The following ARFGEF3 variants were observed in gnomAD, a reference collection of about 807,000 sequenced individuals.
ARFGEF3 encodes ARFGEF family member 3.
ARFGEF3 carries 96 observed loss-of-function variants against 221.7 expected under a neutral mutation model. The observed-to-expected ratio is 0.43, with a 90% CI of 0.37 to 0.51. The LOEUF (loss-of-function observed/expected upper bound fraction) is 0.51, where lower values mean the gene tolerates loss of function less well. Ranked by LOEUF, ARFGEF3 falls within the 20% of genes least tolerant of loss-of-function variation. ARFGEF3 has a pLI of 0.00. For synonymous variants in ARFGEF3, 1,145 were observed against 1,126.8 expected, an observed-to-expected ratio of 1.02 and a Z score of -0.32; for missense variants, 2,410 against 2,789.9, an observed-to-expected ratio of 0.86 and a Z score of 3.07.
chr6:138,284,597 T>A (rs1779254431), intron 14 of ARFGEF3, among the ~76,000 whole-genome samples: 1 of 152,160 alleles, frequency 6.6e-6, no homozygotes, highest in African/African-American at 2.4e-5. Context: ...GCTAATTCTG[T>A]AGAAAAGAAT....
chr6:138,242,031 C>T (rs1317302105), intron 6 of ARFGEF3, among the ~76,000 whole-genome samples: 1 of 152,162 alleles, frequency 6.6e-6, no homozygotes, highest in African/African-American at 2.4e-5. Context: ...TGACTTTAGC[C>T]ATTCTGAGCT....
At position 138,342,630 on chromosome 6, in the gene ARFGEF3, A is replaced by G. The variant is rs1780450545; in HGVS notation, c.*6144A>G. 1 of 152,166 alleles carries G rather than the reference A, an allele frequency of 6.6e-6. No homozygotes were observed. The highest frequency in any genetic ancestry group is 1.5e-5 in the Non-Finnish European group (1 of 68,024). The allele number at this position is 152,166 out of a possible 1,614,324, so 9.4% of individuals were successfully genotyped here. A position where few individuals can be genotyped will look rare whatever the true frequency, so the allele number is the denominator to read the frequency against. ...TGTACTGAAGGTGATTTTAAATTTA[A>G]GTATGTAGTGTTTGAATTTCTTCCA... is the stretch of plus-strand genomic sequence containing the variant. On this transcript the variant is annotated 3_prime_UTR_variant, in exon 34 of 34. Coordinates refer to ENST00000251691, the MANE Select transcript of ARFGEF3 (RefSeq NM_020340.5).
intron 20 of ARFGEF3, among the ~76,000 whole-genome samples, chr6:138,295,894 C>A (rs190507088): frequency 2.6e-5 from 4 of 152,198 alleles, no homozygotes; most frequent in African/African-American, 4.8e-5. Context: ...CCAAGGGGTA[C>A]AAAAATTGCC....
chr6:138,196,437 C>T (rs9376330), intron 2 of ARFGEF3, among the ~76,000 whole-genome samples: 11,193 of 152,174 alleles, frequency 0.074, 803 homozygotes, highest in East Asian at 0.37. Context: ...GTTTGTGTAA[C>T]TAAACATAGA....
intron 10 of ARFGEF3, among the ~76,000 whole-genome samples, chr6:138,258,387 A>G (rs1778724294): frequency 6.6e-6 from 1 of 152,210 alleles, no homozygotes; most frequent in Admixed American, 6.5e-5. Flanking sequence ...CCCATTTTCC[A>G]GATGGGAAAG....
Position 138,317,351 on chromosome 6 carries a change from G to A in ARFGEF3, c.4446G>A (p.Glu1482=), listed in dbSNP as rs1779944461. The part of the protein sequence containing the change: ...HQPPTLDLLF[E]LLRDVTKTPG... Reference sequence around the variant, plus strand: ...CACCAACTCTGGATTTACTCTTTGAGCTGTTGAGAGATGTGACGAAAACAC... The same window carrying A: ...CACCAACTCTGGATTTACTCTTTGAACTGTTGAGAGATGTGACGAAAACAC... The change falls in exon 27 of 34, where the codon GAG becomes GAA. Residue 1482 remains glutamate (E), a synonymous_variant. Transcript: ENST00000251691. 4 of 1,613,852 alleles carry A rather than the reference G, an allele frequency of 2.5e-6. No homozygotes were observed. Among genetic ancestry groups the A allele is most frequent in the Admixed American group, 3.3e-5 (2 of 59,998 alleles).
rs1353504607 is a variant in ARFGEF3 at position 138,340,253 on chromosome 6, C to G, written c.*3767C>G. 1 of 152,164 alleles carries G rather than the reference C, an allele frequency of 6.6e-6. No homozygotes were observed. The highest frequency in any genetic ancestry group is 1.5e-5 in the Non-Finnish European group (1 of 68,024). The allele number at this position is 152,164 out of a possible 1,614,324, so 9.4% of individuals were successfully genotyped here. ...ATAAAACTAAAATTTTTAAATCAAA[C>G]ATGACAAAAATGTTAATATAATTCA... On this transcript the variant is annotated 3_prime_UTR_variant, in exon 34 of 34. Transcript: ENST00000251691.
At chr6:138,325,826 CT>C (rs1376004463) in intron 31 of ARFGEF3, among the ~76,000 whole-genome samples, 3 of 152,042 alleles carry the variant, frequency 2.0e-5, no homozygotes, top group African/African-American at 7.2e-5. Flanking sequence ...ACTTCTTTTT[CT>C]GTTTTTCTGT....
Position 138,229,848 on chromosome 6 carries a change from C to A in ARFGEF3, c.416C>A (p.Ala139Glu). The A allele has an allele frequency of 6.2e-7, 1 of 1,613,078 alleles. No individual in the cohort carries two copies. Among genetic ancestry groups the A allele is most frequent in the African/African-American group, 1.3e-5 (1 of 74,860 alleles). ...AATGGGAGTGCCGTGCTGAAGATCG[C>A]GGAGGTGAGTACTGCTTGTGTCTGT... The part of the protein sequence containing the change: ...DLNGSAVLKI[A>E]EVCIETYISS... The change falls in exon 5 of 34, where the codon GCG becomes GAG. Residue 139 changes from alanine to glutamate, a missense_variant. Ala to Glu is a moderately radical substitution (Grantham distance 107). Transcript: ENST00000251691.
intron 1 of ARFGEF3, among the ~76,000 whole-genome samples, chr6:138,168,983 A>G (rs1484548423): frequency 6.6e-6 from 1 of 152,212 alleles, no homozygotes; most frequent in Non-Finnish European, 1.5e-5. Context: ...GGAGACAGGA[A>G]TTGGCACTGG....
intron 32 of ARFGEF3, among the ~76,000 whole-genome samples, chr6:138,329,113 C>T (rs1780175289): frequency 6.6e-6 from 1 of 152,124 alleles, no homozygotes; most frequent in African/African-American, 2.4e-5. Flanking sequence ...ATGCTCTGCC[C>T]CAAGAAACTT....
intron 8 of ARFGEF3, among the ~76,000 whole-genome samples, chr6:138,252,952 T>C (rs544207604): frequency 4.1e-4 from 63 of 152,338 alleles, no homozygotes; most frequent in African/African-American, 1.4e-3. Context: ...TAAAGCTGTC[T>C]GTTCTCTTCA....
chr6:138,200,539 A>C (rs1449536251), intron 2 of ARFGEF3, among the ~76,000 whole-genome samples: 1 of 152,218 alleles, frequency 6.6e-6, no homozygotes, highest in Non-Finnish European at 1.5e-5. Flanking sequence ...CAGCCAACTG[A>C]TCTTCAACAA....
At chr6:138,267,500 C>T (rs1242637688) in intron 12 of ARFGEF3, among the ~76,000 whole-genome samples, 1 of 152,200 alleles carries the variant, frequency 6.6e-6, no homozygotes, top group Non-Finnish European at 1.5e-5. Flanking sequence ...AAATTTAGCT[C>T]TCAGATAACT....
chr6:138,339,832 C>G lies in ARFGEF3; in HGVS notation c.*3346C>G, dbSNP rs1485490105. 1.3e-5 allele frequency: 2 copies of G among 152,228 alleles called. No individual in the cohort carries two copies. The highest frequency in any genetic ancestry group is 2.9e-5 in the Non-Finnish European group (2 of 68,078). The allele number at this position is 152,228 out of a possible 1,614,324, so 9.4% of individuals were successfully genotyped here. A position where few individuals can be genotyped will look rare whatever the true frequency, so the allele number is the denominator to read the frequency against. ...TCTCCCCTTGTGGTAATTTTCCAGC[C>G]TTCCCCATAGATATAAAACTAGAAC... On this transcript the variant is annotated 3_prime_UTR_variant, in exon 34 of 34. Transcript: ENST00000251691.
In ARFGEF3 at chr6:138,282,819, C is replaced by T. The variant is rs9494998; in HGVS notation, c.2461+2655C>T. On this transcript the variant is annotated intron_variant, in intron 14 of 33. Transcript: ENST00000251691. The stretch of plus-strand genomic sequence containing the variant: ...ATCCTAGGACTTTGGGAGGCCGAGG[C>T]GGGTGGATCACTTGAGGTCAGGAGT... Among the ~76,000 whole-genome samples the T allele has an allele frequency of 4.8e-3, 727 of 152,268 alleles. 3 individuals are homozygous for T. The highest frequency in any genetic ancestry group is 0.016 in the African/African-American group (667 of 41,560).
At chr6:138,253,443 G>A (rs1030573613) in intron 8 of ARFGEF3, among the ~76,000 whole-genome samples, 10 of 152,192 alleles carry the variant, frequency 6.6e-5, no homozygotes, top group African/African-American at 1.9e-4. Flanking sequence ...AGATCAAGGC[G>A]TCAGTGGGGT....
At chr6:138,179,229 G>A (rs373744987) in intron 2 of ARFGEF3, among the ~76,000 whole-genome samples, 30 of 152,284 alleles carry the variant, frequency 2.0e-4, no homozygotes, top group African/African-American at 7.0e-4. Context: ...CAACAGTACT[G>A]GTCCAGATGA....
Position 138,336,582 on chromosome 6 carries a change from AAACT to A in ARFGEF3, c.*98_*101del. On this transcript the variant is annotated 3_prime_UTR_variant, in exon 34 of 34. Transcript: ENST00000251691. ...ATTTTCCCCACCACTAGCCCCACTT[AAACT>A]ACTACTACTGTCTCAGAGAACAGTG... 1 of 967,162 alleles carries A rather than the reference AAACT, an allele frequency of 1.0e-6. No homozygotes were observed. Among genetic ancestry groups the A allele is most frequent in the Non-Finnish European group, 1.5e-6 (1 of 655,394 alleles). The allele number at this position is 967,162 out of a possible 1,614,324, so 59.9% of individuals were successfully genotyped here.
Sources: allele counts gnomAD v4.1 joint callset (sites outside exome capture counted in the v4.1 genomes callset), GRCh38; gene constraint gnomAD v4.1.1; transcripts MANE v1.5; gene names NCBI Gene and HGNC (gene_info 2026-07-23, HGNC 2026-07-21).